MAP2: variants seen among roughly 807,000 people sequenced by gnomAD.
MAP2 encodes the protein microtubule-associated protein 2.
In MAP2, 14 loss-of-function variants were observed where a neutral mutation model predicts 137.6. The ratio of observed to expected loss-of-function variants is 0.10; its 90% CI spans 0.07 to 0.16. The LOEUF is 0.16. Among genes scored for constraint, MAP2 ranks in the 10% least tolerant of loss-of-function variants. MAP2 has a pLI of 1.00. For missense variants in MAP2, 2,088 were observed against 2,191.5 expected, an observed-to-expected ratio of 0.95 and a Z score of 0.94; for synonymous variants, 786 against 782.3, an observed-to-expected ratio of 1.00 and a Z score of -0.08.
chr2:209,439,761 T>G (rs115562242), intron 1 of MAP2, among the ~76,000 whole-genome samples: 65 of 151,570 alleles, frequency 4.3e-4, no homozygotes, highest in African/African-American at 1.5e-3. Flanking sequence ...TGTCACCCTT[T>G]ATAAAATTGT....
chr2:209,489,982 A>T (rs140477652), intron 1 of MAP2, among the ~76,000 whole-genome samples: 167 of 152,138 alleles, frequency 1.1e-3, no homozygotes, highest in Non-Finnish European at 2.1e-3. Context: ...TAATCGTTAG[A>T]TTCACCAAGA....
At chr2:209,536,674 T>C (rs16843059) in intron 2 of MAP2, among the ~76,000 whole-genome samples, 4,120 of 152,290 alleles carry the variant, frequency 0.027, 188 homozygotes, top group African/African-American at 0.094. Flanking sequence ...TCCCCAACTA[T>C]GATTTTAACT....
intron 4 of MAP2, among the ~76,000 whole-genome samples, chr2:209,638,626 A>G (rs1438706012): frequency 6.6e-6 from 1 of 152,180 alleles, no homozygotes; most frequent in Non-Finnish European, 1.5e-5. Flanking sequence ...AGGTTAGTAT[A>G]CTTTAAAATG....
At chr2:209,583,135 ATCTG>A (rs1290979718) in intron 3 of MAP2, among the ~76,000 whole-genome samples, 46 of 127,446 alleles carry the variant, frequency 3.6e-4, no homozygotes, top group East Asian at 9.3e-4. Context: ...CTATCTATCC[ATCTG>A]TCTGTCTGTC....
intron 2 of MAP2, among the ~76,000 whole-genome samples, chr2:209,566,529 A>G (rs909465543): frequency 2.6e-5 from 4 of 152,208 alleles, no homozygotes; most frequent in Non-Finnish European, 4.4e-5. Flanking sequence ...TTCATCCTCC[A>G]ACTCTTCTCT....
At chr2:209,557,957 AACACAC>A (rs1245181098) in intron 2 of MAP2, among the ~76,000 whole-genome samples, 1 of 152,194 alleles carries the variant, frequency 6.6e-6, no homozygotes, top group Non-Finnish European at 1.5e-5. Context: ...AGCTATTTGG[AACACAC>A]ACAATATTTT....
chr2:209,425,553 A>G (rs543321867), intron 1 of MAP2, among the ~76,000 whole-genome samples: 134 of 152,310 alleles, frequency 8.8e-4, no homozygotes, highest in African/African-American at 3.0e-3. Context: ...GTTGGTAAGG[A>G]ACTAATTTAA....
chr2:209,473,180 T>C (rs1329974448), intron 1 of MAP2, among the ~76,000 whole-genome samples: 1 of 152,186 alleles, frequency 6.6e-6, no homozygotes, highest in African/African-American at 2.4e-5. Flanking sequence ...AAGTACTTAC[T>C]AGCATTCCTG....
intron 2 of MAP2, among the ~76,000 whole-genome samples, chr2:209,528,959 CTCAA>C (rs2064657274): frequency 2.0e-5 from 3 of 151,140 alleles, no homozygotes; most frequent in Admixed American, 6.6e-5. Context: ...TACATATATC[CTCAA>C]TCATTTTTTC....
intron 1 of MAP2, among the ~76,000 whole-genome samples, chr2:209,467,886 G>A (rs968837639): frequency 3.9e-5 from 6 of 152,038 alleles, no homozygotes; most frequent in African/African-American, 1.2e-4. Context: ...TTGGTATGAC[G>A]ATTATATTAA....
At position 209,723,798 on chromosome 2, in the gene MAP2, G is replaced by A. The variant is rs563114394; in HGVS notation, c.5074-1911G>A. 4.0e-5 allele frequency: 28 copies of A among 705,650 alleles called. No individual in the cohort carries two copies. In the African/African-American group the frequency reaches 4.6e-4, roughly 12 times the overall value. 43.7% of individuals were successfully genotyped at this position (705,650 alleles called of 1,614,324 possible). The stretch of plus-strand genomic sequence containing the variant: ...TCCAACACACTGCTCCTTTCTCACT[G>A]CTGTTCCACATGTCTCCCTGGTATG... On this transcript the variant is annotated intron_variant, in intron 13 of 15. Transcript: ENST00000682079.
intron 2 of MAP2, chr2:209,579,436 A>G (rs2075895860): frequency 6.6e-6 from 1 of 152,190 alleles, no homozygotes; most frequent in African/African-American, 2.4e-5. Context: ...AAACCGCTAA[A>G]TCGTAAGTGA....
chr2:209,493,060 T>C (rs2059325185), intron 1 of MAP2, among the ~76,000 whole-genome samples: 2 of 152,204 alleles, frequency 1.3e-5, no homozygotes, highest in Non-Finnish European at 2.9e-5. Context: ...CAAAATGTTA[T>C]GGTACTGGTA....
intron 1 of MAP2, among the ~76,000 whole-genome samples, chr2:209,484,459 A>G (rs2149873661): frequency 6.6e-6 from 1 of 152,290 alleles, no homozygotes; most frequent in East Asian, 1.9e-4. Flanking sequence ...TGGGAGGCCG[A>G]GGTGGGTCAA....
At chr2:209,699,368 T>G (rs1473344755) in intron 10 of MAP2, among the ~76,000 whole-genome samples, 1 of 152,192 alleles carries the variant, frequency 6.6e-6, no homozygotes, top group African/African-American at 2.4e-5. Flanking sequence ...GGGTTTCTAT[T>G]TTATGAATGA....
intron 2 of MAP2, among the ~76,000 whole-genome samples, chr2:209,541,104 C>T (rs950808382): frequency 6.6e-6 from 1 of 151,112 alleles, no homozygotes; most frequent in Non-Finnish European, 1.5e-5. Flanking sequence ...GATCTCGGCT[C>T]ACTGCAACTT....
chr2:209,463,344 T>C (rs1297598295), intron 1 of MAP2, among the ~76,000 whole-genome samples: 1 of 152,212 alleles, frequency 6.6e-6, no homozygotes, highest in Non-Finnish European at 1.5e-5. Flanking sequence ...TTACCATTTC[T>C]TAACTTGTCT....
At chr2:209,425,227 A>G (rs1192631969) in intron 1 of MAP2, among the ~76,000 whole-genome samples, 4 of 152,240 alleles carry the variant, frequency 2.6e-5, no homozygotes, top group Non-Finnish European at 5.9e-5. Context: ...TTCATTAGCA[A>G]CAAGCCCGTT....
chr2:209,556,856 T>C (rs2070800725), intron 2 of MAP2, among the ~76,000 whole-genome samples: 1 of 152,072 alleles, frequency 6.6e-6, no homozygotes, highest in African/African-American at 2.4e-5. Context: ...CTGAGATTCT[T>C]TTTTAATTAT....
Sources: gnomAD v4.1 joint callset for allele counts (sites outside exome capture counted in the v4.1 genomes callset) on GRCh38, gnomAD v4.1.1 for gene constraint, MANE v1.5 for transcripts, NCBI Gene and HGNC (gene_info 2026-07-23, HGNC 2026-07-21) for gene names.